The following SLC4A10 variants were observed in gnomAD, a reference collection of about 807,000 sequenced individuals.
SLC4A10 encodes the protein solute carrier family 4 member 10, also known as sodium-driven chloride bicarbonate exchanger.
A neutral mutation model predicts 137.7 loss-of-function variants in SLC4A10; 42 were observed. The observed-to-expected ratio is 0.30, with a 90% CI of 0.24 to 0.39. The LOEUF (loss-of-function observed/expected upper bound fraction) is 0.39, where lower values mean the gene tolerates loss of function less well. SLC4A10 is among the 10% of genes least tolerant of loss of function. The probability of loss-of-function intolerance (pLI) is 1.00; values close to 1 mark genes in which losing one functional copy is unlikely to be tolerated. For synonymous variants in SLC4A10, 474 were observed against 464.1 expected (o/e 1.02, Z -0.27); for missense variants, 925 against 1,355.0 (o/e 0.68, Z 4.98).
intron 15 of SLC4A10, among the ~76,000 whole-genome samples, chr2:161,917,605 A>G (rs951856301): frequency 6.6e-6 from 1 of 151,492 alleles, no homozygotes; most frequent in Non-Finnish European, 1.5e-5. Context: ...AAGAAAGAGA[A>G]AAGAAAAAGA....
Position 161,965,003 on chromosome 2 carries a change from T to G in SLC4A10, c.3037-48T>G, listed in dbSNP as rs773841040. Reference sequence around the variant, plus strand: ...AACCATACAGGCAAATCTACACCTCTCGTTTTAATTTTTTTTCCACTTTAA... The same window carrying G: ...AACCATACAGGCAAATCTACACCTCGCGTTTTAATTTTTTTTCCACTTTAA... On this transcript the variant is annotated intron_variant, in intron 22 of 26. Coordinates refer to ENST00000446997, the MANE Select transcript of SLC4A10 (RefSeq NM_001178015.2). 16 of 1,571,334 alleles carry G rather than the reference T, an allele frequency of 1.0e-5. No individual in the cohort carries two copies. The East Asian group carries it at 3.6e-4, about 36-fold the overall frequency.
At chr2:161,654,340 T>G (rs779615791) in intron 1 of SLC4A10, among the ~76,000 whole-genome samples, 3 of 152,208 alleles carry the variant, frequency 2.0e-5, no homozygotes, top group Non-Finnish European at 2.9e-5. Flanking sequence ...GCGTTTTCAC[T>G]CTGTGGAGCC....
intron 15 of SLC4A10, among the ~76,000 whole-genome samples, chr2:161,922,319 T>C (rs1412895010): frequency 6.6e-6 from 1 of 152,170 alleles, no homozygotes; most frequent in Non-Finnish European, 1.5e-5. Flanking sequence ...GCTATTTTCC[T>C]CATAATATAT....
intron 2 of SLC4A10, among the ~76,000 whole-genome samples, chr2:161,783,616 A>G (rs192037997): frequency 1.2e-4 from 18 of 152,112 alleles, no homozygotes; most frequent in Admixed American, 9.8e-4. Context: ...GTTAACTGTG[A>G]CAACAATAAC....
intron 1 of SLC4A10, among the ~76,000 whole-genome samples, chr2:161,663,936 TA>T (rs1336821879): frequency 1.3e-5 from 2 of 152,028 alleles, no homozygotes; most frequent in African/African-American, 4.8e-5. Flanking sequence ...TGTTAATAGA[TA>T]TTTGTAACAT....
intron 1 of SLC4A10, among the ~76,000 whole-genome samples, chr2:161,702,277 G>A (rs1030715777): frequency 6.6e-6 from 1 of 151,840 alleles, no homozygotes; most frequent in East Asian, 1.9e-4. Context: ...AGGTCATTAT[G>A]TTAAGTGAAA....
chr2:161,804,574 G>A lies in SLC4A10; in HGVS notation c.256G>A (p.Gly86Arg). 6.2e-7 allele frequency: 1 copy of A among 1,611,252 alleles called. No individual in the cohort carries two copies. Among genetic ancestry groups the A allele is most frequent in the Admixed American group, 1.7e-5 (1 of 59,624 alleles). Residue 86 changes from glycine (G) to arginine (R), a missense_variant, in exon 3 of 27, where the codon GGA (glycine) becomes AGA (arginine). Coordinates refer to ENST00000446997, the MANE Select transcript of SLC4A10 (RefSeq NM_001178015.2). Reference protein sequence around the residue: ...DRERDSGLEDGRESPSFDTPS... With the variant: ...DRERDSGLEDRRESPSFDTPS... ...AGAAAGAGATTCAGGATTAGAGGAT[G>A]GAAGGGAGTCACCTTCTTTTGGTAA...
chr2:161,905,337 AG>A (rs972494363), intron 14 of SLC4A10, among the ~76,000 whole-genome samples: 4 of 152,192 alleles, frequency 2.6e-5, no homozygotes, highest in Non-Finnish European at 4.4e-5. Context: ...TCACATGCAC[AG>A]TTCACAATAG....
At chr2:161,718,742 C>CA (rs2045251903) in intron 1 of SLC4A10, among the ~76,000 whole-genome samples, 1 of 151,942 alleles carries the variant, frequency 6.6e-6, no homozygotes, top group Non-Finnish European at 1.5e-5. Flanking sequence ...GAGTAGGCAC[C>CA]ATGTAGTGCT....
intron 1 of SLC4A10, among the ~76,000 whole-genome samples, chr2:161,658,571 A>G (rs1158420066): frequency 6.6e-6 from 1 of 150,634 alleles, no homozygotes. Flanking sequence ...CAATATTTTT[A>G]CCATGTGTTT....
chr2:161,824,347 C>G (rs1043617867), intron 3 of SLC4A10, among the ~76,000 whole-genome samples: 1 of 152,282 alleles, frequency 6.6e-6, no homozygotes, highest in East Asian at 1.9e-4. Context: ...GCCTTCATTG[C>G]TACAGAAAAA....
Position 161,804,538 on chromosome 2 carries a change from AAG to A in SLC4A10, c.226_227del (p.Asp76GlnfsTer17). On this transcript the variant is annotated frameshift_variant, in exon 3 of 27. Coordinates refer to ENST00000446997, the MANE Select transcript of SLC4A10 (RefSeq NM_001178015.2). LOFTEE classifies it high-confidence loss of function. ...CAGGCATCGTGGTCATAAACACAGA[AAG>A]AGAGACAGAGAAAGAGATTCAGGAT... ...RHRHRGHKHR[K>X]RDRERDSGLE... 6.2e-7 allele frequency: 1 copy of A among 1,613,168 alleles called. No individual in the cohort carries two copies. Among genetic ancestry groups the A allele is most frequent in the Non-Finnish European group, 8.5e-7 (1 of 1,179,436 alleles).
intron 1 of SLC4A10, among the ~76,000 whole-genome samples, chr2:161,663,060 T>C (rs901162225): frequency 4.6e-5 from 7 of 152,188 alleles, no homozygotes; most frequent in African/African-American, 1.7e-4. Flanking sequence ...ATGTGGTAAA[T>C]TGCTCTTGTA....
At chr2:161,838,571 A>G (rs2058967728) in intron 3 of SLC4A10, among the ~76,000 whole-genome samples, 1 of 152,240 alleles carries the variant, frequency 6.6e-6, no homozygotes, top group African/African-American at 2.4e-5. Flanking sequence ...AATATTGCAA[A>G]TCATATGTTC....
chr2:161,825,869 G>A (rs1394842138), intron 3 of SLC4A10, among the ~76,000 whole-genome samples: 1 of 152,144 alleles, frequency 6.6e-6, no homozygotes, highest in Admixed American at 6.5e-5. Flanking sequence ...TTTATAGCCA[G>A]CCTCTGTGTG....
At chr2:161,727,302 T>A (rs1267266207) in intron 1 of SLC4A10, among the ~76,000 whole-genome samples, 2 of 151,922 alleles carry the variant, frequency 1.3e-5, no homozygotes, top group Non-Finnish European at 2.9e-5. Context: ...AAATCAGTGT[T>A]CCCCCCAAAA....
At chr2:161,831,575 A>G (rs1291800156) in intron 3 of SLC4A10, among the ~76,000 whole-genome samples, 2 of 152,140 alleles carry the variant, frequency 1.3e-5, no homozygotes, top group African/African-American at 4.8e-5. Flanking sequence ...TGGCTAGACT[A>G]ATAGTTTTTG....
At chr2:161,867,892 A>G (rs933470823) in intron 6 of SLC4A10, among the ~76,000 whole-genome samples, 1 of 151,646 alleles carries the variant, frequency 6.6e-6, no homozygotes, top group Non-Finnish European at 1.5e-5. Context: ...TCATCTCTGT[A>G]CCTCCCTCAT....
chr2:161,858,683 A>G (rs2060233689), intron 5 of SLC4A10, among the ~76,000 whole-genome samples: 1 of 152,202 alleles, frequency 6.6e-6, no homozygotes, highest in Non-Finnish European at 1.5e-5. Flanking sequence ...TAAGCATTAT[A>G]AAGATTAATG....
Sources: gnomAD v4.1 joint callset for allele counts (sites outside exome capture counted in the v4.1 genomes callset) on GRCh38, gnomAD v4.1.1 for gene constraint, MANE v1.5 for transcripts, NCBI Gene and HGNC (gene_info 2026-07-23, HGNC 2026-07-21) for gene names.